Variants in CNBD1 observed in about 807,000 individuals in gnomAD.
CNBD1 encodes the protein cyclic nucleotide-binding domain-containing protein 1.
In CNBD1, 71 loss-of-function variants were observed where a neutral mutation model predicts 54.4. The ratio of observed to expected loss-of-function variants is 1.30; its 90% CI spans 1.08 to 1.59. CNBD1 has a LOEUF of 1.59. Ranked by LOEUF, CNBD1 falls within the 40% of genes most tolerant of loss-of-function variation. CNBD1 has a pLI of 0.00. For missense variants in CNBD1, 659 were observed against 518.0 expected, an observed-to-expected ratio of 1.27 and a Z score of -2.64; for synonymous variants, 182 against 170.7, an observed-to-expected ratio of 1.07 and a Z score of -0.51.
At chr8:87,087,262 C>CATATAT (rs960920154) in intron 4 of CNBD1, among the ~76,000 whole-genome samples, 3 of 135,102 alleles carry the variant, frequency 2.2e-5, no homozygotes, top group Non-Finnish European at 4.6e-5. Flanking sequence ...TATATATATA[C>CATATAT]ATATATATAT....
At chr8:87,107,691 T>A (rs1274028274) in intron 4 of CNBD1, among the ~76,000 whole-genome samples, 1 of 151,382 alleles carries the variant, frequency 6.6e-6, no homozygotes, top group Non-Finnish European at 1.5e-5. Context: ...AGTGACTGCA[T>A]CTTAAGAATT....
intron 4 of CNBD1, among the ~76,000 whole-genome samples, chr8:87,048,353 G>T (rs1431053152): frequency 1.3e-5 from 2 of 152,128 alleles, no homozygotes; most frequent in Non-Finnish European, 2.9e-5. Context: ...TTTCAAAAGG[G>T]CTTAAATCCA....
intron 5 of CNBD1, among the ~76,000 whole-genome samples, chr8:87,234,451 G>A (rs767103082): frequency 2.0e-5 from 3 of 152,168 alleles, no homozygotes; most frequent in Non-Finnish European, 4.4e-5. Flanking sequence ...AATGAATGTT[G>A]TGTTAGCAGG....
intron 4 of CNBD1, among the ~76,000 whole-genome samples, chr8:87,055,170 G>A (rs563648553): frequency 3.3e-5 from 5 of 152,182 alleles, no homozygotes; most frequent in African/African-American, 1.2e-4. Flanking sequence ...GAACACAAGG[G>A]TGAGGTTAGA....
intron 4 of CNBD1, among the ~76,000 whole-genome samples, chr8:87,129,526 G>A (rs1180165143): frequency 1.3e-5 from 2 of 151,992 alleles, no homozygotes; most frequent in Admixed American, 6.6e-5. Context: ...TCTTTTCTAA[G>A]ACTCAACTTT....
At chr8:87,315,672 T>G (rs1398075621) in intron 8 of CNBD1, among the ~76,000 whole-genome samples, 2 of 151,962 alleles carry the variant, frequency 1.3e-5, no homozygotes, top group East Asian at 1.9e-4. Context: ...CCTTCAACAT[T>G]GGAGGTCAAA....
intron 4 of CNBD1, among the ~76,000 whole-genome samples, chr8:86,955,425 T>C (rs560991016): frequency 6.9e-4 from 105 of 152,350 alleles, no homozygotes; most frequent in Admixed American, 2.9e-3. Context: ...TCCACCATGG[T>C]TGAACTAGTT....
At chr8:87,053,252 A>G (rs1810348097) in intron 4 of CNBD1, among the ~76,000 whole-genome samples, 1 of 152,218 alleles carries the variant, frequency 6.6e-6, no homozygotes, top group African/African-American at 2.4e-5. Context: ...TCTGCAGACA[A>G]AATCTAATTG....
At chr8:87,315,080 G>A (rs1330150385) in intron 8 of CNBD1, among the ~76,000 whole-genome samples, 1 of 151,924 alleles carries the variant, frequency 6.6e-6, no homozygotes, top group Non-Finnish European at 1.5e-5. Flanking sequence ...TGAGAGATTG[G>A]AACATAAATA....
intron 4 of CNBD1, among the ~76,000 whole-genome samples, chr8:87,178,287 G>A (rs1474937420): frequency 1.3e-5 from 2 of 152,110 alleles, no homozygotes; most frequent in East Asian, 1.9e-4. Context: ...GAGTAGAGGT[G>A]GATAATTCAG....
intron 4 of CNBD1, among the ~76,000 whole-genome samples, chr8:87,188,519 C>T (rs1813529419): frequency 2.0e-5 from 3 of 152,110 alleles, no homozygotes; most frequent in African/African-American, 7.2e-5. Context: ...CACCTGAGGT[C>T]ACGAGTTCGA....
rs191336296 is a variant in CNBD1, at chr8:86,993,488, G to A, written c.431+53734G>A. Among the ~76,000 whole-genome samples, 364 of 152,180 alleles carry A rather than the reference G, an allele frequency of 2.4e-3. 2 individuals carry two copies. The highest frequency in any genetic ancestry group is 8.5e-3 in the African/African-American group (353 of 41,512). On this transcript the variant is annotated intron_variant, in intron 4 of 10. Coordinates refer to ENST00000518476, the MANE Select transcript of CNBD1 (RefSeq NM_173538.3). ...CATTTCAGTCTGGTTAAGAACAATC[G>A]CTGGGCAGCTAGTGGGCTCATTTGG...
At chr8:87,167,706 T>A (rs1436909567) in intron 4 of CNBD1, among the ~76,000 whole-genome samples, 1 of 151,984 alleles carries the variant, frequency 6.6e-6, no homozygotes, top group Non-Finnish European at 1.5e-5. Context: ...CATGTTTTTT[T>A]ATTATATAAT....
chr8:86,981,191 A>G (rs180749273), intron 4 of CNBD1, among the ~76,000 whole-genome samples: 1 of 152,354 alleles, frequency 6.6e-6, no homozygotes, highest in Non-Finnish European at 1.5e-5. Context: ...GCGCGCGCGC[A>G]TTGTGTACTC....
intron 2 of CNBD1, among the ~76,000 whole-genome samples, chr8:87,425,733 A>T (rs1276317023): frequency 6.6e-6 from 1 of 151,978 alleles, no homozygotes; most frequent in Admixed American, 6.6e-5. Context: ...GCTGTCAGAC[A>T]GGGACATTTA....
chr8:86,987,168 G>A (rs984744891), intron 4 of CNBD1, among the ~76,000 whole-genome samples: 2 of 151,998 alleles, frequency 1.3e-5, no homozygotes, highest in Non-Finnish European at 2.9e-5. Context: ...CCATTTATTT[G>A]TCTCATCTCT....
intron 3 of CNBD1, among the ~76,000 whole-genome samples, chr8:86,924,009 C>CATTAA (rs1210084081): frequency 6.6e-6 from 1 of 152,110 alleles, no homozygotes; most frequent in Non-Finnish European, 1.5e-5. Flanking sequence ...TAGTAAGTTC[C>CATTAA]ATTCAATTCA....
At chr8:87,262,226 G>T (rs182609816) in intron 6 of CNBD1, among the ~76,000 whole-genome samples, 36 of 152,060 alleles carry the variant, frequency 2.4e-4, no homozygotes, top group Admixed American at 2.1e-3. Flanking sequence ...ATTAGATGTC[G>T]AAATATAAAA....
At chr8:87,041,402 A>G (rs1810065139) in intron 4 of CNBD1, among the ~76,000 whole-genome samples, 1 of 152,210 alleles carries the variant, frequency 6.6e-6, no homozygotes, top group African/African-American at 2.4e-5. Context: ...TATTTGCACA[A>G]AAGCAACCAC....
Sources: gnomAD v4.1 joint callset for allele counts (sites outside exome capture counted in the v4.1 genomes callset) on GRCh38, gnomAD v4.1.1 for gene constraint, MANE v1.5 for transcripts, NCBI Gene and HGNC (gene_info 2026-07-23, HGNC 2026-07-21) for gene names.